The following ACSM3 variants were observed in gnomAD, a reference collection of about 807,000 sequenced individuals.
The protein encoded by ACSM3 is acyl-CoA synthetase medium chain family member 3, also known as acyl-coenzyme A synthetase ACSM3, mitochondrial.
In ACSM3, 61 loss-of-function variants were observed where a neutral mutation model predicts 74.1. The ratio of observed to expected loss-of-function variants is 0.82; its 90% CI spans 0.67 to 1.02. The LOEUF (loss-of-function observed/expected upper bound fraction) is 1.02, where lower values mean the gene tolerates loss of function less well. ACSM3 is among the 50% of genes least tolerant of loss of function. The pLI is 0.00. For missense variants in ACSM3, 660 were observed against 697.0 expected (o/e 0.95, Z 0.60); for synonymous variants, 213 against 241.5 (o/e 0.88, Z 1.09).
chr16:20,678,121 C>T (rs920914599), intron 1 of ACSM3, among the ~76,000 whole-genome samples: 1 of 152,110 alleles, frequency 6.6e-6, no homozygotes, highest in Non-Finnish European at 1.5e-5. Flanking sequence ...CAGAGATTCC[C>T]CTTCTGTAGA....
rs2079542330 is a variant in ACSM3 at position 20,685,835 on chromosome 16, A to C, written c.-190+11013A>C. Among the ~76,000 whole-genome samples the C allele has an allele frequency of 2.2e-5, 2 of 89,418 alleles. 1 individual carries two copies. Among genetic ancestry groups the C allele is most frequent in the South Asian group, 8.2e-4 (2 of 2,436 alleles). The allele number at this position is 89,418 out of a possible 152,430, so 58.7% of individuals were successfully genotyped here. ...ACTCCGTCTCAAAAAAAAAAAACAA[A>C]CAAAAAAAAAACAAAAAACTTATAG... On this transcript the variant is annotated intron_variant, in intron 1 of 3. Coordinates refer to the ACSM3 transcript ENST00000561584.
intron 2 of ACSM3, among the ~76,000 whole-genome samples, chr16:20,774,690 G>GA (rs912560635): frequency 1.3e-5 from 2 of 152,196 alleles, no homozygotes; most frequent in African/African-American, 4.8e-5. Flanking sequence ...TTATTGATAG[G>GA]TGTTATTTTG....
chr16:20,682,460 A>T, intron 1 of ACSM3: 1 of 1,612,816 alleles, frequency 6.2e-7, no homozygotes, highest in Non-Finnish European at 8.5e-7. Flanking sequence ...AATGAAGATG[A>T]TCCCTGGGGA....
chr16:20,768,351 G>T (rs2080150272), intron 1 of ACSM3, among the ~76,000 whole-genome samples: 1 of 152,172 alleles, frequency 6.6e-6, no homozygotes, highest in African/African-American at 2.4e-5. Context: ...GCCATAGACT[G>T]GTGCTTTTCA....
intron 1 of ACSM3, among the ~76,000 whole-genome samples, chr16:20,706,329 T>C (rs2079727485): frequency 1.3e-5 from 2 of 151,870 alleles, no homozygotes; most frequent in Non-Finnish European, 2.9e-5. Context: ...CAGAGGAAAA[T>C]GATACATTAC....
At chr16:20,687,959 C>A (rs192987340) in intron 1 of ACSM3, among the ~76,000 whole-genome samples, 23 of 152,020 alleles carry the variant, frequency 1.5e-4, no homozygotes, top group African/African-American at 5.1e-4. Context: ...GTTGCATGCA[C>A]CTGTAATCCC....
At chr16:20,734,214 T>C (rs1190617473) in intron 1 of ACSM3, 1 of 152,678 alleles carries the variant, frequency 6.5e-6, no homozygotes, top group Non-Finnish European at 1.5e-5. Context: ...CAGAGTTGTA[T>C]GCTCTGTAGG....
chr16:20,682,502 T>G, intron 1 of ACSM3: 1 of 1,549,572 alleles, frequency 6.5e-7, no homozygotes, highest in East Asian at 2.3e-5. Flanking sequence ...TGGTTTCTTT[T>G]TCACAACCAT....
intron 1 of ACSM3, chr16:20,721,336 T>G (rs1459093097): frequency 6.6e-6 from 1 of 152,332 alleles, no homozygotes; most frequent in Non-Finnish European, 1.5e-5. Context: ...TTAATGCCAA[T>G]TGTGACTATT....
Position 20,710,236 on chromosome 16 carries a change from C to T in ACSM3, c.-190+35414C>T, listed in dbSNP as rs151185029. 3.7e-4 allele frequency among the ~76,000 whole-genome samples: 56 copies of T among 152,264 alleles called. 1 individual carries two copies. The East Asian group carries it at 0.011, about 29-fold the overall frequency. On this transcript the variant is annotated intron_variant, in intron 1 of 3. Transcript: ENST00000561584. ...CCATAGAGTGGAGGGCTGGCTCTGC[C>T]ACTCCCCAGCTATGGCCAAATCTCA... is the stretch of plus-strand genomic sequence containing the variant.
At chr16:20,680,508 A>T (rs1421649295) in intron 1 of ACSM3, 1 of 152,262 alleles carries the variant, frequency 6.6e-6, no homozygotes, top group Non-Finnish European at 1.5e-5. Context: ...AGGCAAAGGA[A>T]TTAATGCCAC....
Position 20,685,164 on chromosome 16 carries a change from G to A in ACSM3, c.-190+10342G>A, listed in dbSNP as rs746105844. On this transcript the variant is annotated intron_variant, in intron 1 of 3. Transcript: ENST00000561584. ...CCATTGGTTCTAGAACAGCCCCGAGGTCCACCAGGTCCCTCTTGCATCACT... is the reference window on the plus strand; with the variant it reads ...CCATTGGTTCTAGAACAGCCCCGAGATCCACCAGGTCCCTCTTGCATCACT... 3.3e-5 allele frequency: 53 copies of A among 1,612,720 alleles called. 3 individuals are homozygous for A. The South Asian group carries it at 5.6e-4, about 17-fold the overall frequency.
chr16:20,685,304 C>T, intron 1 of ACSM3: 1 of 1,614,224 alleles, frequency 6.2e-7, no homozygotes, highest in Non-Finnish European at 8.5e-7. Flanking sequence ...ACGTTGGCTA[C>T]ACGGCGGGTT....
At chr16:20,784,823 A>AGTTGTATAT (rs1250192461) in intron 7 of ACSM3, among the ~76,000 whole-genome samples, 161 bp from the exon 8 acceptor site, 3 of 152,126 alleles carry the variant, frequency 2.0e-5, no homozygotes, top group Admixed American at 6.6e-5. Context: ...GGTACTTAGT[A>AGTTGTATAT]GTTGTATATG....
chr16:20,740,721 T>G (rs1475785926), intron 1 of ACSM3, among the ~76,000 whole-genome samples: 1 of 152,204 alleles, frequency 6.6e-6, no homozygotes, highest in African/African-American at 2.4e-5. Context: ...TGTGCGTGTG[T>G]GTATTGGTCC....
rs1454891581 is a variant in ACSM3, at chr16:20,719,122, A to G, written c.-189-30788A>G. 1.9e-5 allele frequency: 3 copies of G among 154,108 alleles called. No individual in the cohort carries two copies. The East Asian group carries it at 5.8e-4, about 30-fold the overall frequency. The allele number at this position is 154,108 out of a possible 1,614,324, so 9.5% of individuals were successfully genotyped here. On this transcript the variant is annotated intron_variant, in intron 1 of 3. Transcript: ENST00000561584. ...GGGGCTTCTTTTGACCCTTCTCTGC[A>G]GCCCTTAAGGTTTGGGGGCAAGGTC...
At chr16:20,727,275 C>A in intron 1 of ACSM3, 1 of 516,616 alleles carries the variant, frequency 1.9e-6, no homozygotes. Context: ...CTTGAATGTC[C>A]TAATTATCTT....
chr16:20,768,421 CAGT>C (rs1482279533), intron 1 of ACSM3, among the ~76,000 whole-genome samples: 1 of 152,150 alleles, frequency 6.6e-6, no homozygotes, highest in East Asian at 1.9e-4. Context: ...TCTACCAATT[CAGT>C]AGATCTAGAG....
At chr16:20,694,313 G>A (rs1012776182) in intron 1 of ACSM3, among the ~76,000 whole-genome samples, 4 of 152,164 alleles carry the variant, frequency 2.6e-5, no homozygotes, top group Non-Finnish European at 5.9e-5. Flanking sequence ...TACTCTCCTG[G>A]CAAAACTGCT....
Sources: allele counts gnomAD v4.1 joint callset (sites outside exome capture counted in the v4.1 genomes callset), GRCh38; gene constraint gnomAD v4.1.1; transcripts MANE v1.5; gene names NCBI Gene and HGNC (gene_info 2026-07-23, HGNC 2026-07-21).